Variants in MSH4 observed in about 807,000 individuals in gnomAD.
MSH4 encodes mutS protein homolog 4.
A neutral mutation model predicts 113.7 loss-of-function variants in MSH4; 106 were observed. The ratio of observed to expected loss-of-function variants is 0.93; its 90% CI spans 0.80 to 1.10. The LOEUF is 1.10. MSH4 is among the 50% of genes least tolerant of loss of function. MSH4 has a pLI of 0.00. For synonymous variants in MSH4, 368 were observed against 380.2 expected (o/e 0.97, Z 0.37); for missense variants, 1,061 against 1,093.7 (o/e 0.97, Z 0.42).
intron 8 of MSH4, among the ~76,000 whole-genome samples, chr1:75,850,710 G>A (rs1490280643): frequency 6.6e-6 from 1 of 151,946 alleles, no homozygotes; most frequent in Non-Finnish European, 1.5e-5. Context: ...TCCTTATGGT[G>A]TTTTACGTTT....
At chr1:75,853,951 T>G (rs1651251959) in intron 8 of MSH4, among the ~76,000 whole-genome samples, 1 of 145,798 alleles carries the variant, frequency 6.9e-6, no homozygotes, top group African/African-American at 2.5e-5. Context: ...CAGGTGTACT[T>G]ATTGCTATTG....
rs1410819062 is a variant in MSH4 at position 75,901,913 on chromosome 1, T to C, written c.2619+2207T>C. ...TATATTTCCTTAATGACTGGTGATG[T>C]TGAACATTTTTTCATATACCTGTTG... On this transcript the variant is annotated intron_variant, in intron 19 of 19. Coordinates refer to ENST00000263187, the MANE Select transcript of MSH4 (RefSeq NM_002440.4). 4.6e-5 allele frequency among the ~76,000 whole-genome samples: 7 copies of C among 152,272 alleles called. No individual in the cohort carries two copies. The South Asian group carries it at 1.2e-3, about 27-fold the overall frequency.
rs768968452 is a variant in MSH4, at chr1:75,848,194, G to A, written c.1163-15G>A. ...CCATAAAGTTTAAATACTCACATTT[G>A]TTTGTTTGTTTCAGTTATATCAAGA... On this transcript the variant is annotated splice_polypyrimidine_tract_variant and intron_variant, in intron 7 of 19. Transcript: ENST00000263187. 4 of 1,558,660 alleles carry A rather than the reference G, an allele frequency of 2.6e-6. No individual in the cohort carries two copies. In the African/African-American group the frequency reaches 4.1e-5, roughly 16 times the overall value.
At chr1:75,905,126 A>G (rs1652594423) in intron 19 of MSH4, among the ~76,000 whole-genome samples, 1 of 147,098 alleles carries the variant, frequency 6.8e-6, no homozygotes, top group Admixed American at 6.9e-5. Context: ...AGCTTTGAGA[A>G]GTACCACGTT....
chr1:75,885,027 ATATGTGTGTG>A (rs1278578246), intron 15 of MSH4, among the ~76,000 whole-genome samples: 13 of 121,288 alleles, frequency 1.1e-4, no homozygotes, highest in Non-Finnish European at 1.5e-4. Flanking sequence ...GTATATATAT[ATATGTGTGTG>A]TGTGTGTGTG....
chr1:75,864,042 T>C (rs1409640918), intron 8 of MSH4, among the ~76,000 whole-genome samples: 1 of 152,224 alleles, frequency 6.6e-6, no homozygotes, highest in Non-Finnish European at 1.5e-5. Flanking sequence ...AAACGACTTT[T>C]AGTAATCATT....
intron 8 of MSH4, among the ~76,000 whole-genome samples, chr1:75,855,448 T>G (rs1279955396): frequency 6.6e-6 from 1 of 152,190 alleles, no homozygotes; most frequent in Non-Finnish European, 1.5e-5. Context: ...AATCAAGGTG[T>G]TTTAGGGCCA....
At position 75,843,062 on chromosome 1, in the gene MSH4, A is replaced by G. The variant is rs144791378; in HGVS notation, c.1163-5147A>G. Among the ~76,000 whole-genome samples the G allele has an allele frequency of 2.2e-3, 339 of 152,304 alleles. 3 individuals are homozygous for G. Among genetic ancestry groups the G allele is most frequent in the Middle Eastern group, 6.8e-3 (2 of 294 alleles). On this transcript the variant is annotated intron_variant, in intron 7 of 19. Coordinates refer to ENST00000263187, the MANE Select transcript of MSH4 (RefSeq NM_002440.4). ...CTCTGATATGCAGAAATAATGGCAT[A>G]AGCTGTCCTTCTCTTTGTCTCCTCT...
intron 7 of MSH4, among the ~76,000 whole-genome samples, chr1:75,842,778 G>A (rs1485668906): frequency 2.0e-5 from 3 of 151,742 alleles, no homozygotes; most frequent in Non-Finnish European, 4.4e-5. Context: ...TAAGTGTCAA[G>A]GGAAAACACC....
chr1:75,891,037 A>G (rs1437603797), intron 17 of MSH4, among the ~76,000 whole-genome samples: 3 of 152,204 alleles, frequency 2.0e-5, no homozygotes, highest in Non-Finnish European at 4.4e-5. Flanking sequence ...GATGAAATCA[A>G]GAAATTCAAA....
intron 6 of MSH4, among the ~76,000 whole-genome samples, chr1:75,818,625 C>T (rs929814044): frequency 6.6e-6 from 1 of 152,188 alleles, no homozygotes; most frequent in Non-Finnish European, 1.5e-5. Context: ...CCCATCCCAT[C>T]GTCATCTTTG....
chr1:75,820,605 A>C (rs377080052), intron 6 of MSH4, among the ~76,000 whole-genome samples: 1 of 152,142 alleles, frequency 6.6e-6, no homozygotes, highest in African/African-American at 2.4e-5. Context: ...GTTTATTTGC[A>C]TAGAGGTGTT....
At chr1:75,853,919 T>C (rs980268063) in intron 8 of MSH4, among the ~76,000 whole-genome samples, 3 of 150,772 alleles carry the variant, frequency 2.0e-5, no homozygotes, top group Admixed American at 6.7e-5. Flanking sequence ...AGGAATGGTA[T>C]TAGAAATCAA....
chr1:75,893,746 C>T (rs1163428237), intron 17 of MSH4, among the ~76,000 whole-genome samples: 1 of 152,156 alleles, frequency 6.6e-6, no homozygotes, highest in Non-Finnish European at 1.5e-5. Flanking sequence ...ATGGAACATG[C>T]ATGGGAATGT....
At chr1:75,848,160 T>A in intron 7 of MSH4, 49 bp from the exon 8 acceptor site, 1 of 1,213,016 alleles carries the variant, frequency 8.2e-7, no homozygotes, top group Non-Finnish European at 1.2e-6. Context: ...GTCAATATTT[T>A]GAACTGTACC....
chr1:75,805,411 G>A (rs1276434048), intron 2 of MSH4, among the ~76,000 whole-genome samples: 5 of 133,688 alleles, frequency 3.7e-5, no homozygotes, highest in Admixed American at 8.0e-5. Flanking sequence ...TTTTTGAGAC[G>A]AAGCCTTGTT....
chr1:75,897,787 C>A lies in MSH4; in HGVS notation c.2356-120C>A, dbSNP rs1243314571. 12 of 514,900 alleles carry A rather than the reference C, an allele frequency of 2.3e-5. No homozygotes were observed. The South Asian group carries it at 8.5e-4, about 37-fold the overall frequency. 31.9% of individuals were successfully genotyped at this position (514,900 alleles called of 1,614,324 possible). On this transcript the variant is annotated intron_variant, in intron 17 of 19. Transcript: ENST00000263187. Reference sequence around the variant, plus strand: ...TAGCCTCCAAATTATTAGTTTTATTCCTACATCTCTGCCAAGCTACTTAGA... The same window carrying A: ...TAGCCTCCAAATTATTAGTTTTATTACTACATCTCTGCCAAGCTACTTAGA...
intron 12 of MSH4, among the ~76,000 whole-genome samples, chr1:75,879,762 A>C (rs1651891498): frequency 6.6e-6 from 1 of 152,128 alleles, no homozygotes; most frequent in Non-Finnish European, 1.5e-5. Flanking sequence ...TGGTAATAAG[A>C]TGTAGTGTTT....
chr1:75,898,354 T>C (rs967183645), intron 18 of MSH4, among the ~76,000 whole-genome samples: 7 of 152,040 alleles, frequency 4.6e-5, no homozygotes, highest in Non-Finnish European at 8.8e-5. Context: ...CCTTAGAAAA[T>C]GTAATTTATC....
Sources: allele counts gnomAD v4.1 joint callset (sites outside exome capture counted in the v4.1 genomes callset), GRCh38; gene constraint gnomAD v4.1.1; transcripts MANE v1.5; gene names NCBI Gene and HGNC (gene_info 2026-07-23, HGNC 2026-07-21).